Variants in CDC14A observed in about 807,000 individuals in gnomAD.
CDC14A encodes the protein cell division cycle 14A, also known as dual specificity protein phosphatase CDC14A.
Under a neutral mutation model 74.4 loss-of-function variants are expected in CDC14A, and 53 were observed. That is an observed-to-expected ratio of 0.71 (90% CI 0.57 to 0.89). The LOEUF is 0.89. CDC14A is among the 40% of genes least tolerant of loss of function. CDC14A has a pLI of 0.00. For missense variants in CDC14A, 646 were observed against 713.7 expected (o/e 0.91, Z 1.08); for synonymous variants, 247 against 258.4 (o/e 0.96, Z 0.43).
At chr1:100,391,888 C>G (rs185852299) in intron 4 of CDC14A, among the ~76,000 whole-genome samples, 1 of 152,356 alleles carries the variant, frequency 6.6e-6, no homozygotes, top group East Asian at 1.9e-4. Flanking sequence ...CACCTTTTGT[C>G]CCTTGATGTA....
At chr1:100,449,422 C>T (rs1665899228) in intron 7 of CDC14A, among the ~76,000 whole-genome samples, 1 of 152,128 alleles carries the variant, frequency 6.6e-6, no homozygotes, top group Non-Finnish European at 1.5e-5. Flanking sequence ...GCACAGAAGG[C>T]CCTTCTTGAC....
intron 3 of CDC14A, among the ~76,000 whole-genome samples, chr1:100,386,186 T>C (rs1656840621): frequency 6.8e-6 from 1 of 148,116 alleles, no homozygotes; most frequent in East Asian, 2.0e-4. Context: ...AAAAGAAGAG[T>C]ATTTGTTCCA....
At chr1:100,394,082 C>T in intron 4 of CDC14A, 2 of 216,972 alleles carry the variant, frequency 9.2e-6, no homozygotes, top group South Asian at 7.1e-5. Flanking sequence ...TTTTTCCCTC[C>T]CTTGCATCTT....
At chr1:100,514,861 A>G (rs1386201755) in intron 15 of CDC14A, among the ~76,000 whole-genome samples, 1 of 152,238 alleles carries the variant, frequency 6.6e-6, no homozygotes, top group Non-Finnish European at 1.5e-5. Context: ...GAATACGAAA[A>G]TCAATAGCAA....
intron 2 of CDC14A, among the ~76,000 whole-genome samples, chr1:100,374,383 T>C (rs1170253466): frequency 2.0e-5 from 3 of 152,226 alleles, no homozygotes; most frequent in South Asian, 4.1e-4. Context: ...ATCACCACAC[T>C]GACTTCCACA....
At chr1:100,489,137 G>A (rs1670358081) in intron 11 of CDC14A, among the ~76,000 whole-genome samples, 1 of 152,142 alleles carries the variant, frequency 6.6e-6, no homozygotes, top group African/African-American at 2.4e-5. Flanking sequence ...TTATAAAGAT[G>A]ACATCTTTGC....
At chr1:100,364,270 C>T (rs959293569) in intron 2 of CDC14A, among the ~76,000 whole-genome samples, 16 of 151,466 alleles carry the variant, frequency 1.1e-4, no homozygotes, top group Non-Finnish European at 2.4e-4. Context: ...TGCAGTGGCC[C>T]GATGTCGGCT....
rs202075965 is a variant in CDC14A, at chr1:100,484,477, C to G, written c.1137+26C>G. On this transcript the variant is annotated intron_variant, in intron 11 of 15. Transcript: ENST00000336454. ...GTAAGTTTTCCCTAGGAGATTCTAT[C>G]TTCTTAAAACTGATGTTCTGCATTT... The G allele has an allele frequency of 2.0e-5, 32 of 1,572,630 alleles. No homozygotes were observed. In the African/African-American group the frequency reaches 4.3e-4, roughly 21 times the overall value.
intron 10 of CDC14A, among the ~76,000 whole-genome samples, chr1:100,473,409 G>C (rs1013478509): frequency 6.6e-6 from 1 of 150,782 alleles, no homozygotes; most frequent in African/African-American, 2.4e-5. Context: ...TTTTTGAGAC[G>C]GTGTTTCACT....
At chr1:100,421,568 A>C (rs1220166973) in intron 4 of CDC14A, among the ~76,000 whole-genome samples, 7 of 152,198 alleles carry the variant, frequency 4.6e-5, no homozygotes, top group Admixed American at 4.6e-4. Flanking sequence ...ATGTGACTAC[A>C]AACTGTTAAC....
At chr1:100,403,552 C>G (rs371309553) in intron 4 of CDC14A, among the ~76,000 whole-genome samples, 1 of 152,208 alleles carries the variant, frequency 6.6e-6, no homozygotes, top group African/African-American at 2.4e-5. Flanking sequence ...GAAGACTGCT[C>G]TCTCTAAACA....
At chr1:100,448,105 C>T (rs1276123615) in intron 7 of CDC14A, among the ~76,000 whole-genome samples, 1 of 152,128 alleles carries the variant, frequency 6.6e-6, no homozygotes, top group African/African-American at 2.4e-5. Context: ...TCGGAGGTTC[C>T]TCATCACTGT....
chr1:100,377,698 C>A, intron 3 of CDC14A, 77 bp downstream of exon 3: 2 of 1,045,930 alleles, frequency 1.9e-6, no homozygotes, highest in South Asian at 1.4e-5. Context: ...GGTTGGTGTG[C>A]ACAAAACATT....
At chr1:100,391,176 A>C (rs1049516555) in intron 4 of CDC14A, 1 of 283,336 alleles carries the variant, frequency 3.5e-6, no homozygotes, top group African/African-American at 2.2e-5. Context: ...ATATTATGGA[A>C]GATTTTAAAA....
chr1:100,375,309 C>G (rs1655085056), intron 2 of CDC14A, among the ~76,000 whole-genome samples: 1 of 152,098 alleles, frequency 6.6e-6, no homozygotes, highest in Admixed American at 6.6e-5. Flanking sequence ...ATAAGGTCAG[C>G]CTGGAAGCTA....
chr1:100,406,913 C>T (rs989480052), intron 4 of CDC14A, among the ~76,000 whole-genome samples: 5 of 147,912 alleles, frequency 3.4e-5, no homozygotes, highest in East Asian at 2.0e-4. Context: ...GCAACAAGAG[C>T]GAAACTCTGT....
intron 2 of CDC14A, among the ~76,000 whole-genome samples, chr1:100,368,746 C>A (rs1382087391): frequency 1.3e-5 from 2 of 152,300 alleles, no homozygotes; most frequent in African/African-American, 4.8e-5. Flanking sequence ...CCCTTCTTCC[C>A]TCCCCACTTC....
intron 2 of CDC14A, among the ~76,000 whole-genome samples, chr1:100,363,552 T>A (rs1192884793): frequency 1.3e-5 from 2 of 152,180 alleles, no homozygotes. Context: ...AATTTAATTT[T>A]TTGGTCTTAA....
At chr1:100,372,446 G>A (rs1050864260) in intron 2 of CDC14A, among the ~76,000 whole-genome samples, 1 of 152,202 alleles carries the variant, frequency 6.6e-6, no homozygotes, top group African/African-American at 2.4e-5. Context: ...CTAAGTATGT[G>A]TAACATTCTA....
Sources: allele counts gnomAD v4.1 joint callset (sites outside exome capture counted in the v4.1 genomes callset), GRCh38; gene constraint gnomAD v4.1.1; transcripts MANE v1.5; gene names NCBI Gene and HGNC (gene_info 2026-07-23, HGNC 2026-07-21).